The following KHDRBS2 variants were observed in gnomAD, a reference collection of about 807,000 sequenced individuals.
The protein encoded by KHDRBS2 is KH RNA binding domain containing, signal transduction associated 2, also known as KH domain-containing, RNA-binding, signal transduction-associated protein 2.
Under a neutral mutation model 44.3 loss-of-function variants are expected in KHDRBS2, and 26 were observed. The ratio of observed to expected loss-of-function variants is 0.59; its 90% CI spans 0.43 to 0.81. KHDRBS2 has a LOEUF of 0.81. Ranked by LOEUF, KHDRBS2 falls within the 40% of genes least tolerant of loss-of-function variation. The probability of loss-of-function intolerance (pLI) is 0.00; values close to 1 mark genes in which losing one functional copy is unlikely to be tolerated. For synonymous variants in KHDRBS2, 194 were observed against 151.1 expected (o/e 1.28, Z -2.08); for missense variants, 476 against 433.1 (o/e 1.10, Z -0.88).
chr6:62,075,282 C>A (rs577513648), intron 2 of KHDRBS2, among the ~76,000 whole-genome samples: 2 of 151,800 alleles, frequency 1.3e-5, no homozygotes, highest in African/African-American at 4.8e-5. Flanking sequence ...CTTGTTCACC[C>A]CCTCCACCAT....
At chr6:61,910,378 T>C (rs1275518649) in intron 4 of KHDRBS2, among the ~76,000 whole-genome samples, 5 of 152,208 alleles carry the variant, frequency 3.3e-5, no homozygotes, top group Non-Finnish European at 7.3e-5. Flanking sequence ...TCTGCATAAG[T>C]TTTGTATAAA....
the KHDRBS2 span, among the ~76,000 whole-genome samples, chr6:61,595,660 G>C: frequency 1.3e-5 from 2 of 151,464 alleles, no homozygotes; most frequent in African/African-American, 4.8e-5. Flanking sequence ...AAGTAATTTT[G>C]AGCTGTTTCA....
At chr6:61,943,972 G>A (rs1405209175) in intron 4 of KHDRBS2, among the ~76,000 whole-genome samples, 1 of 152,098 alleles carries the variant, frequency 6.6e-6, no homozygotes, top group Non-Finnish European at 1.5e-5. Context: ...ACTCATCCCT[G>A]TTAGAATAGC....
intron 2 of KHDRBS2, among the ~76,000 whole-genome samples, chr6:62,135,168 G>C (rs1584897571): frequency 6.6e-6 from 1 of 152,224 alleles, no homozygotes; most frequent in East Asian, 1.9e-4. Context: ...GGACCCAGTG[G>C]GAGATAATTG....
chr6:61,585,686 T>C, the KHDRBS2 span, among the ~76,000 whole-genome samples: 5 of 152,222 alleles, frequency 3.3e-5, no homozygotes, highest in South Asian at 2.1e-4. Flanking sequence ...TTTGAACGTT[T>C]ACTGTTTTTG....
At chr6:61,654,200 A>C in the KHDRBS2 span, among the ~76,000 whole-genome samples, 3 of 152,068 alleles carry the variant, frequency 2.0e-5, no homozygotes, top group Admixed American at 6.6e-5. Context: ...TAGACCAACC[A>C]CCTATAAATC....
chr6:61,561,062 C>T, the KHDRBS2 span, among the ~76,000 whole-genome samples: 118,189 of 152,070 alleles, frequency 0.78, 46,119 homozygotes, highest in East Asian at 0.83. Context: ...CCAGTACCGA[C>T]GTGTCTCTTG....
chr6:62,077,429 G>A (rs966306018), intron 2 of KHDRBS2, among the ~76,000 whole-genome samples: 1 of 152,024 alleles, frequency 6.6e-6, no homozygotes, highest in Non-Finnish European at 1.5e-5. Context: ...CAGGCCTTCA[G>A]GCTAGCCAAT....
chr6:61,757,087 T>A (rs1778603215), intron 6 of KHDRBS2, among the ~76,000 whole-genome samples: 1 of 152,170 alleles, frequency 6.6e-6, no homozygotes, highest in African/African-American at 2.4e-5. Context: ...ATGGTATGAG[T>A]TTGTTTATCC....
chr6:62,140,610 C>T (rs1332580481), intron 2 of KHDRBS2, among the ~76,000 whole-genome samples: 3 of 152,142 alleles, frequency 2.0e-5, no homozygotes, highest in East Asian at 3.9e-4. Context: ...GTATGATACA[C>T]ATATTACCAT....
At chr6:62,006,421 T>C (rs1779238523) in intron 3 of KHDRBS2, among the ~76,000 whole-genome samples, 1 of 151,916 alleles carries the variant, frequency 6.6e-6, no homozygotes, top group Non-Finnish European at 1.5e-5. Flanking sequence ...AAAAAGTATT[T>C]CAAGAAGGAA....
chr6:62,228,355 G>T (rs761585780), intron 1 of KHDRBS2, among the ~76,000 whole-genome samples: 64 of 151,868 alleles, frequency 4.2e-4, no homozygotes, highest in Admixed American at 7.9e-4. Context: ...ATTTCTGTGG[G>T]GTCGGTGGTG....
At chr6:61,648,590 A>G in the KHDRBS2 span, among the ~76,000 whole-genome samples, 1 of 152,180 alleles carries the variant, frequency 6.6e-6, no homozygotes, top group Admixed American at 6.6e-5. Flanking sequence ...GGACAGCACC[A>G]TATGAAGACA....
rs562764739 is a variant in KHDRBS2, at chr6:62,286,148, C to A, written c.-200G>T. On this transcript the variant is annotated 5_prime_UTR_variant, in exon 1 of 9. Transcript: ENST00000281156. ...GCGTGGCCCCGCGCCCACACCTGCC[C>A]GTCCCTTCCGTCGTCCCTCGCTCGC... 1 of 559,824 alleles carries A rather than the reference C, an allele frequency of 1.8e-6. No homozygotes were observed. Among genetic ancestry groups the A allele is most frequent in the Non-Finnish European group, 3.1e-6 (1 of 321,156 alleles). 34.7% of individuals were successfully genotyped at this position (559,824 alleles called of 1,614,324 possible).
rs948160674 is a variant in KHDRBS2, at chr6:61,977,942, G to A, written c.483+124C>T. On this transcript the variant is annotated intron_variant, in intron 4 of 8. Coordinates refer to ENST00000281156, the MANE Select transcript of KHDRBS2 (RefSeq NM_152688.4). ...CTATTTTATTTTTTAGCTTTGTATC[G>A]ACCTGTGGATAGATCATTGGTTTGC... is the stretch of plus-strand genomic sequence containing the variant. The A allele has an allele frequency of 7.8e-6, 6 of 773,738 alleles. No individual in the cohort carries two copies. In the African/African-American group the frequency reaches 9.0e-5, roughly 12 times the overall value. 47.9% of individuals were successfully genotyped at this position (773,738 alleles called of 1,614,324 possible).
chr6:61,976,022 A>C (rs1402327332), intron 4 of KHDRBS2, among the ~76,000 whole-genome samples: 8 of 152,166 alleles, frequency 5.3e-5, no homozygotes, highest in Non-Finnish European at 1.0e-4. Flanking sequence ...GCAATGAATA[A>C]GAAGTTAGAC....
intron 1 of KHDRBS2, among the ~76,000 whole-genome samples, chr6:62,246,966 A>C (rs1348368762): frequency 6.6e-6 from 1 of 152,080 alleles, no homozygotes; most frequent in African/African-American, 2.4e-5. Context: ...ATATGTTTGA[A>C]AGAATTTTAT....
At chr6:61,951,137 A>G (rs1462270577) in intron 4 of KHDRBS2, among the ~76,000 whole-genome samples, 1 of 152,054 alleles carries the variant, frequency 6.6e-6, no homozygotes, top group Non-Finnish European at 1.5e-5. Flanking sequence ...AATGGGTAAG[A>G]ATGAGTAAGA....
At chr6:62,126,222 C>T (rs1808935852) in intron 2 of KHDRBS2, among the ~76,000 whole-genome samples, 1 of 152,126 alleles carries the variant, frequency 6.6e-6, no homozygotes, top group Non-Finnish European at 1.5e-5. Context: ...TGCCGTGGGC[C>T]TAGGGCAGTG....
Sources: gnomAD v4.1 joint callset for allele counts (sites outside exome capture counted in the v4.1 genomes callset) on GRCh38, gnomAD v4.1.1 for gene constraint, MANE v1.5 for transcripts, NCBI Gene and HGNC (gene_info 2026-07-23, HGNC 2026-07-21) for gene names.